The following GARIN1A variants were observed in gnomAD, a reference collection of about 807,000 sequenced individuals.
GARIN1A encodes the protein Golgi-associated RAB2 interactor protein 1A.
chr7:128,689,632 C>T, the GARIN1A span, among the ~76,000 whole-genome samples: 1 of 142,810 alleles, frequency 7.0e-6, no homozygotes, highest in Non-Finnish European at 1.6e-5. Context: ...AGCCCCTCCG[C>T]CCGGCAGCCA....
At chr7:128,693,547 C>T in the GARIN1A span, 2 of 165,998 alleles carry the variant, frequency 1.2e-5, no homozygotes, top group Admixed American at 6.1e-5. Context: ...GGGCTGCCTC[C>T]CTGGCTGCAG....
chr7:128,702,513 G>A, the GARIN1A span, among the ~76,000 whole-genome samples: 1 of 152,004 alleles, frequency 6.6e-6, no homozygotes, highest in Non-Finnish European at 1.5e-5. Context: ...AAAATTTCTT[G>A]AAAATATGTT....
the GARIN1A span, among the ~76,000 whole-genome samples, chr7:128,705,782 A>G: frequency 2.7e-5 from 4 of 145,516 alleles, no homozygotes; most frequent in African/African-American, 5.1e-5. Context: ...CTCCCACCTC[A>G]GCCTCCCAAA....
chr7:128,676,019 CTTTTTT>C, the GARIN1A span, among the ~76,000 whole-genome samples: 4 of 121,562 alleles, frequency 3.3e-5, no homozygotes, highest in Non-Finnish European at 5.4e-5. Context: ...TATTTAGTAT[CTTTTTT>C]TTTTTTTTTT....
the GARIN1A span, among the ~76,000 whole-genome samples, chr7:128,702,029 T>A: frequency 6.6e-6 from 1 of 152,030 alleles, no homozygotes; most frequent in South Asian, 2.1e-4. Flanking sequence ...AAGACAAAAA[T>A]CTCTGGCAAT....
the GARIN1A span, chr7:128,677,665 A>G: frequency 6.2e-7 from 1 of 1,613,874 alleles, no homozygotes; most frequent in Non-Finnish European, 8.5e-7. Flanking sequence ...CTGAAGCTCC[A>G]CGAAAAACAC....
the GARIN1A span, among the ~76,000 whole-genome samples, chr7:128,690,099 G>A: frequency 3.9e-5 from 6 of 152,224 alleles, no homozygotes; most frequent in South Asian, 1.2e-3. Context: ...GTTGATCTAT[G>A]ACCTTACCCC....
At chr7:128,677,663 C>T in the GARIN1A span, 3 of 1,613,818 alleles carry the variant, frequency 1.9e-6, no homozygotes, top group East Asian at 2.2e-5. Context: ...ATCTGAAGCT[C>T]CACGAAAAAC....
chr7:128,677,985 TC>T, the GARIN1A span: 1 of 454,784 alleles, frequency 2.2e-6, no homozygotes, highest in East Asian at 3.8e-5. Context: ...ATTTGACCAG[TC>T]CCTAATATTA....
chr7:128,694,989 T>C, the GARIN1A span, among the ~76,000 whole-genome samples: 3 of 152,234 alleles, frequency 2.0e-5, no homozygotes, highest in African/African-American at 7.2e-5. Flanking sequence ...CTATAGCAAG[T>C]TGCCTTCTTG....
chr7:128,688,217 G>A, the GARIN1A span, among the ~76,000 whole-genome samples: 135 of 152,170 alleles, frequency 8.9e-4, 3 homozygotes, highest in East Asian at 0.012. Context: ...TCACTAGGTT[G>A]GCCAGGATGG....
the GARIN1A span, chr7:128,672,655 G>GA: frequency 0.015 from 8,579 of 577,034 alleles, 546 homozygotes; most frequent in South Asian, 0.043. Flanking sequence ...GGGGAGGGGG[G>GA]GGCGGGGGGA....
the GARIN1A span, among the ~76,000 whole-genome samples, chr7:128,695,679 T>C: frequency 6.6e-6 from 1 of 152,182 alleles, no homozygotes; most frequent in Non-Finnish European, 1.5e-5. The surrounding 1 kb of genome is among the most constrained non-coding windows in gnomAD (Gnocchi z 4.5). Flanking sequence ...TAGCTGTGAT[T>C]ACAGGTGTGG....
chr7:128,688,289 C>T, the GARIN1A span, among the ~76,000 whole-genome samples: 3 of 152,138 alleles, frequency 2.0e-5, no homozygotes, highest in African/African-American at 4.8e-5. Flanking sequence ...GGATTACAGG[C>T]GTGAGCCACC....
At chr7:128,682,743 A>G in the GARIN1A span, among the ~76,000 whole-genome samples, 1 of 152,086 alleles carries the variant, frequency 6.6e-6, no homozygotes, top group East Asian at 1.9e-4. Flanking sequence ...TGCCTGGCTA[A>G]TTTTTGTATT....
chr7:128,673,256 A>G, the GARIN1A span, among the ~76,000 whole-genome samples: 2 of 152,164 alleles, frequency 1.3e-5, no homozygotes, highest in African/African-American at 2.4e-5. Context: ...CAGGAAGCCT[A>G]TGAGTTTGGT....
chr7:128,679,058 G>A, the GARIN1A span, among the ~76,000 whole-genome samples: 1 of 150,800 alleles, frequency 6.6e-6, no homozygotes, highest in Admixed American at 6.6e-5. Context: ...ACATTGTTAT[G>A]TATTTGTAGT....
chr7:128,708,004 CTTCTT>C, the GARIN1A span, among the ~76,000 whole-genome samples: 1 of 143,064 alleles, frequency 7.0e-6, no homozygotes, highest in Admixed American at 7.3e-5. Context: ...CCTTTCTCTC[CTTCTT>C]TTCTTTTGTT....
chr7:128,698,124 A>T, the GARIN1A span, among the ~76,000 whole-genome samples: 3 of 152,150 alleles, frequency 2.0e-5, no homozygotes, highest in African/African-American at 4.8e-5. Flanking sequence ...ATCATTATTA[A>T]TTTTATTTCA....
Sources: gnomAD v4.1 joint callset for allele counts (sites outside exome capture counted in the v4.1 genomes callset) on GRCh38, gnomAD v4.1.1 for gene constraint, Gnocchi (gnomAD v3.1) non-coding constraint, MANE v1.5 for transcripts, NCBI Gene and HGNC (gene_info 2026-07-23, HGNC 2026-07-21) for gene names.